The following ACAD11 variants were observed in gnomAD, a reference collection of about 807,000 sequenced individuals.
The protein encoded by ACAD11 is acyl-Coenzyme A dehydrogenase family, member 11.
ACAD11 carries 83 observed loss-of-function variants against 102.2 expected under a neutral mutation model. The observed-to-expected ratio is 0.81, with a 90% confidence interval of 0.68 to 0.97. The LOEUF (loss-of-function observed/expected upper bound fraction) is 0.97, where lower values mean the gene tolerates loss of function less well. ACAD11 is among the 50% of genes least tolerant of loss of function. The pLI, the probability that ACAD11 is intolerant of heterozygous loss-of-function variation, is 0.00. For synonymous variants in ACAD11, 324 were observed against 319.8 expected, an observed-to-expected ratio of 1.01 and a Z score of -0.14; for missense variants, 901 against 951.7, an observed-to-expected ratio of 0.95 and a Z score of 0.70.
chr3:132,572,582 C>G (rs34987839), intron 17 of ACAD11, among the ~76,000 whole-genome samples: 1 of 152,166 alleles, frequency 6.6e-6, no homozygotes, highest in Non-Finnish European at 1.5e-5. Context: ...GCCCAAATAG[C>G]CAAGGCACTC....
intron 7 of ACAD11, among the ~76,000 whole-genome samples, chr3:132,629,584 C>A (rs1576604588): frequency 6.6e-6 from 1 of 152,034 alleles, no homozygotes; most frequent in Non-Finnish European, 1.5e-5. Context: ...AGAGACATAC[C>A]CATTTTGAGA....
chr3:132,558,688 A>G lies in ACAD11; in HGVS notation c.*283T>C, dbSNP rs1202154368. The stretch of plus-strand genomic sequence containing the variant: ...TTTCATTTTTAAATTTTTTGTAGCA[A>G]TGGGGGTCTCGCTATGTTGCCCAGG... On this transcript the variant is annotated 3_prime_UTR_variant, in exon 20 of 20. Coordinates refer to ENST00000264990, the MANE Select transcript of ACAD11 (RefSeq NM_032169.5). 5 of 301,200 alleles carry G rather than the reference A, an allele frequency of 1.7e-5. No homozygotes were observed. Among genetic ancestry groups the G allele is most frequent in the Non-Finnish European group, 3.0e-5 (5 of 165,086 alleles). The allele number at this position is 301,200 out of a possible 1,614,324, so 18.7% of individuals were successfully genotyped here.
intron 17 of ACAD11, among the ~76,000 whole-genome samples, chr3:132,565,286 A>G (rs1174951216): frequency 3.3e-5 from 5 of 152,112 alleles, no homozygotes; most frequent in African/African-American, 9.7e-5. Context: ...CTGGCCAGTA[A>G]TAAGTCCCCC....
At position 132,639,612 on chromosome 3, in the gene ACAD11, G is replaced by A; in HGVS notation, c.582C>T (p.Asp194=). The change falls in exon 5 of 20, where the codon GAC becomes GAT. Residue 194 remains aspartate, a synonymous_variant. Transcript: ENST00000264990. The part of the protein sequence containing the change: ...TKQYQAAAHQ[D]IPAMQQLSEW... ...CCGATAGCTGTTGCATGGCAGGGAT[G>A]TCCTGATGAGCTGCAGCTTGATATT... The A allele has an allele frequency of 6.2e-7, 1 of 1,613,660 alleles. No individual in the cohort carries two copies. The highest frequency in any genetic ancestry group is 8.5e-7 in the Non-Finnish European group (1 of 1,179,824).
At chr3:132,566,552 A>G (rs1480841171) in intron 17 of ACAD11, among the ~76,000 whole-genome samples, 1 of 152,184 alleles carries the variant, frequency 6.6e-6, no homozygotes, top group African/African-American at 2.4e-5. Flanking sequence ...CTGAAAAAAT[A>G]GACATAAAAA....
intron 13 of ACAD11, among the ~76,000 whole-genome samples, chr3:132,591,627 T>C (rs1938081548): frequency 6.6e-6 from 1 of 152,190 alleles, no homozygotes; most frequent in South Asian, 2.1e-4. Flanking sequence ...TGATGACTCA[T>C]ATCTGTAATC....
At chr3:132,651,270 C>T (rs62292461) in intron 1 of ACAD11, among the ~76,000 whole-genome samples, 14,006 of 152,172 alleles carry the variant, frequency 0.092, 800 homozygotes, top group Middle Eastern at 0.14. Flanking sequence ...CTTGCAGTCA[C>T]CTACTAACTC....
At chr3:132,608,285 A>C (rs1210637351) in intron 11 of ACAD11, among the ~76,000 whole-genome samples, 2 of 152,182 alleles carry the variant, frequency 1.3e-5, no homozygotes, top group Non-Finnish European at 2.9e-5. Flanking sequence ...TATTAACCTT[A>C]AATGTAAATG....
intron 12 of ACAD11, 27 bp from the exon 13 acceptor site, chr3:132,603,354 C>T (rs1342478646): frequency 6.3e-7 from 1 of 1,587,986 alleles, no homozygotes; most frequent in Non-Finnish European, 8.6e-7. Flanking sequence ...GCTGAATTTA[C>T]AGGCAGGCAG....
At chr3:132,641,385 T>C (rs1940488714) in intron 4 of ACAD11, among the ~76,000 whole-genome samples, 2 of 151,742 alleles carry the variant, frequency 1.3e-5, no homozygotes, top group Non-Finnish European at 2.9e-5. Context: ...CTACTAAAAA[T>C]ACAAAAAAAT....
intron 2 of ACAD11, among the ~76,000 whole-genome samples, chr3:132,644,214 A>C (rs2107889230): frequency 6.6e-6 from 1 of 152,212 alleles, no homozygotes; most frequent in East Asian, 1.9e-4. Context: ...CAGTGCTTTT[A>C]ATGTTCCCCA....
rs984559915 is a variant in ACAD11 at position 132,558,779 on chromosome 3, C to G, written c.*192G>C. 1.9e-6 allele frequency: 1 copy of G among 527,622 alleles called. No homozygotes were observed. Among genetic ancestry groups the G allele is most frequent in the Non-Finnish European group, 3.3e-6 (1 of 303,018 alleles). The allele number at this position is 527,622 out of a possible 1,614,324, so 32.7% of individuals were successfully genotyped here. ...ATGACAACAGCTACAGCATTTCTTACTGAACTTAACCCTGTGTGACCCTTG... is the reference window on the plus strand; with the variant it reads ...ATGACAACAGCTACAGCATTTCTTAGTGAACTTAACCCTGTGTGACCCTTG... On this transcript the variant is annotated 3_prime_UTR_variant, in exon 20 of 20. Transcript: ENST00000264990.
chr3:132,583,995 G>C (rs962512264), intron 13 of ACAD11, among the ~76,000 whole-genome samples: 18 of 152,152 alleles, frequency 1.2e-4, no homozygotes, highest in Admixed American at 9.2e-4. Context: ...GGTCAATTTT[G>C]GAATAGGTGT....
chr3:132,602,626 C>T (rs1938662038), intron 13 of ACAD11, among the ~76,000 whole-genome samples: 1 of 152,048 alleles, frequency 6.6e-6, no homozygotes, highest in Non-Finnish European at 1.5e-5. Flanking sequence ...ATTTTGCTAG[C>T]AATTACATTG....
chr3:132,586,927 T>C (rs1937863138), intron 13 of ACAD11, among the ~76,000 whole-genome samples: 1 of 152,092 alleles, frequency 6.6e-6, no homozygotes, highest in Non-Finnish European at 1.5e-5. Context: ...ACCCCGTCTC[T>C]ACTAAAAATA....
At chr3:132,609,361 T>C (rs866982232) in intron 11 of ACAD11, among the ~76,000 whole-genome samples, 3 of 152,076 alleles carry the variant, frequency 2.0e-5, no homozygotes, top group Non-Finnish European at 4.4e-5. Context: ...AGCTGTTTTT[T>C]TGAAAAGGTT....
chr3:132,564,897 T>C (rs1937166545), intron 17 of ACAD11, among the ~76,000 whole-genome samples: 1 of 152,168 alleles, frequency 6.6e-6, no homozygotes, highest in Admixed American at 6.5e-5. Context: ...GTGTGTTTCC[T>C]AGGTTTTCTT....
At position 132,630,499 on chromosome 3, in the gene ACAD11, T is replaced by C. The variant is rs1939994214; in HGVS notation, c.901A>G (p.Ile301Val). 2 of 1,613,018 alleles carry C rather than the reference T, an allele frequency of 1.2e-6. No individual in the cohort carries two copies. Among genetic ancestry groups the C allele is most frequent in the Admixed American group, 1.7e-5 (1 of 59,900 alleles). The change falls in exon 7 of 20, where the codon ATT becomes GTT. Residue 301 changes from isoleucine to valine, a missense_variant. Physicochemically the swap from Ile to Val is conservative, Grantham distance 29. Transcript: ENST00000264990. ...AGAAAGAAATTCCAGTTAGGAAGAA[T>C]AGAATTAATTCCCCTGCAGCGGCAA... Reference protein sequence around the residue: ...IYCRCRGINSILPNWNFFLAL... With the variant: ...IYCRCRGINSVLPNWNFFLAL...
intron 5 of ACAD11, among the ~76,000 whole-genome samples, chr3:132,639,009 A>G (rs1443391419): frequency 6.6e-6 from 1 of 152,168 alleles, no homozygotes; most frequent in Non-Finnish European, 1.5e-5. Context: ...GCACATTTAC[A>G]TTGAGCAAGG....
Sources: allele counts gnomAD v4.1 joint callset (sites outside exome capture counted in the v4.1 genomes callset), GRCh38; gene constraint gnomAD v4.1.1; transcripts MANE v1.5; gene names NCBI Gene and HGNC (gene_info 2026-07-23, HGNC 2026-07-21).